Variants in CEP152 observed in about 807,000 individuals in gnomAD.
CEP152 encodes the protein centrosomal protein 152.
A neutral mutation model predicts 188.9 loss-of-function variants in CEP152; 132 were observed. The ratio of observed to expected loss-of-function variants is 0.70; its 90% CI spans 0.61 to 0.81. The LOEUF (loss-of-function observed/expected upper bound fraction) is 0.81. CEP152 is among the 30% of genes least tolerant of loss of function. The probability of loss-of-function intolerance (pLI) is 0.00; values close to 1 mark genes in which losing one functional copy is unlikely to be tolerated. For missense variants in CEP152, 1,914 were observed against 1,969.8 expected (o/e 0.97, Z 0.54); for synonymous variants, 649 against 666.6 (o/e 0.97, Z 0.41).
Position 48,785,261 on chromosome 15 carries a change from A to G in CEP152, c.1174-1141T>C, listed in dbSNP as rs538254455. ...TGAAGTCTCCCATTTTAGCTTAAAAATCCATGTGAATTTTGTATTCTATTT... is the reference window on the plus strand; with the variant it reads ...TGAAGTCTCCCATTTTAGCTTAAAAGTCCATGTGAATTTTGTATTCTATTT... On this transcript the variant is annotated intron_variant, in intron 9 of 26. Coordinates refer to ENST00000380950, the MANE Select transcript of CEP152 (RefSeq NM_001194998.2). 3.3e-5 allele frequency among the ~76,000 whole-genome samples: 5 copies of G among 152,300 alleles called. No individual in the cohort carries two copies. The South Asian group carries it at 1.0e-3, about 32-fold the overall frequency.
At chr15:48,767,560 G>A in intron 15 of CEP152, 97 bp from the exon 16 acceptor site, 1 of 1,520,882 alleles carries the variant, frequency 6.6e-7, no homozygotes, top group South Asian at 1.1e-5. Context: ...TCCCTCTAAT[G>A]CAAATTATAA....
chr15:48,761,301 AC>A (rs1305445919), intron 18 of CEP152, among the ~76,000 whole-genome samples: 1 of 152,208 alleles, frequency 6.6e-6, no homozygotes, highest in Non-Finnish European at 1.5e-5. Context: ...ATCACGTAGA[AC>A]AATGTAACAA....
intron 22 of CEP152, among the ~76,000 whole-genome samples, chr15:48,745,665 C>G (rs1446323917): frequency 1.3e-5 from 2 of 151,912 alleles, no homozygotes; most frequent in African/African-American, 2.4e-5. Flanking sequence ...TTACAAAGAA[C>G]CTTCTTAAGG....
chr15:48,769,216 A>G, intron 13 of CEP152, 135 bp from the exon 14 acceptor site: 1 of 669,788 alleles, frequency 1.5e-6, no homozygotes, highest in Non-Finnish European at 2.5e-6. Context: ...TTCCCCCAAT[A>G]TAACTACAGC....
intron 12 of CEP152, among the ~76,000 whole-genome samples, chr15:48,776,810 T>C (rs555874443): frequency 9.9e-5 from 15 of 152,248 alleles, no homozygotes; most frequent in Admixed American, 8.5e-4. Flanking sequence ...GTTTTCTTCA[T>C]GGGAAGTAAG....
At chr15:48,776,088 C>T (rs1953526988) in intron 12 of CEP152, among the ~76,000 whole-genome samples, 3 of 151,446 alleles carry the variant, frequency 2.0e-5, no homozygotes, top group Admixed American at 2.0e-4. Context: ...TAGTAGTTAG[C>T]CTCAAGGTTA....
chr15:48,802,522 T>C (rs1258892675), intron 2 of CEP152, among the ~76,000 whole-genome samples: 1 of 152,222 alleles, frequency 6.6e-6, no homozygotes, highest in Non-Finnish European at 1.5e-5. Context: ...ACCTCTCTAC[T>C]ATGCCTTTAT....
chr15:48,791,828 A>C (rs1018268341), intron 7 of CEP152, among the ~76,000 whole-genome samples: 4 of 151,912 alleles, frequency 2.6e-5, no homozygotes, highest in African/African-American at 9.6e-5. Context: ...CAAATAAATA[A>C]ATTATTAAAA....
chr15:48,810,798 ACACGTTAAGGT>A (rs1327302983), intron 1 of CEP152, 152 bp downstream of exon 1: 1 of 152,294 alleles, frequency 6.6e-6, no homozygotes, highest in Non-Finnish European at 1.5e-5. Flanking sequence ...GGTCTAAATG[ACACGTTAAGGT>A]AAAAGCTGAG....
Position 48,788,898 on chromosome 15 carries a change from T to A in CEP152, c.1076A>T (p.His359Leu). Residue 359 changes from histidine to leucine, a missense_variant, in exon 9 of 27, where the codon CAT (histidine) becomes CTT (leucine). Transcript: ENST00000380950. ...TGTGAGGCCCATAACAATGCTCTCA[T>A]GCTGTTCTCTAGCTCGTTGAAGTGA... is the stretch of plus-strand genomic sequence containing the variant. ...SESLQRAREQ[H>L]ESIVMGLTKK... is the part of the protein sequence containing the mutation. The A allele has an allele frequency of 6.2e-7, 1 of 1,614,214 alleles. No individual in the cohort carries two copies. Among genetic ancestry groups the A allele is most frequent in the Non-Finnish European group, 8.5e-7 (1 of 1,180,030 alleles).
chr15:48,801,909 C>T (rs2140921351), intron 2 of CEP152, among the ~76,000 whole-genome samples: 1 of 152,280 alleles, frequency 6.6e-6, no homozygotes, highest in South Asian at 2.1e-4. Flanking sequence ...GCCTGGCCAA[C>T]ATGGCAAAAC....
intron 19 of CEP152, among the ~76,000 whole-genome samples, chr15:48,757,506 C>A (rs931182390): frequency 3.3e-5 from 5 of 152,188 alleles, no homozygotes; most frequent in Non-Finnish European, 7.3e-5. Context: ...AACATCTTCA[C>A]CTATATAAAG....
In CEP152 at chr15:48,738,063, A is replaced by G. The variant is rs1892692391; in HGVS notation, c.*186T>C. 1.5e-6 allele frequency: 1 copy of G among 662,450 alleles called. No homozygotes were observed. The highest frequency in any genetic ancestry group is 3.1e-5 in the Admixed American group (1 of 32,362). 41.0% of individuals were successfully genotyped at this position (662,450 alleles called of 1,614,324 possible). ...CACAAAAGCAGATTATACATACACC[A>G]TCAGGCCTTTGGAATATTAAGGCAA... On this transcript the variant is annotated 3_prime_UTR_variant, in exon 27 of 27. Transcript: ENST00000380950.
chr15:48,808,844 T>G (rs1355536236), intron 1 of CEP152, among the ~76,000 whole-genome samples: 1 of 152,206 alleles, frequency 6.6e-6, no homozygotes. Context: ...ACTGAAAATT[T>G]TCTATATCTA....
At chr15:48,771,121 T>C (rs1040552918) in intron 13 of CEP152, among the ~76,000 whole-genome samples, 4 of 152,162 alleles carry the variant, frequency 2.6e-5, no homozygotes, top group Non-Finnish European at 4.4e-5. Context: ...TGGCTGATGA[T>C]TTGTGAAATA....
chr15:48,738,608 G>A lies in CEP152; in HGVS notation c.4774C>T (p.His1592Tyr). Residue 1592 changes from histidine to tyrosine, a missense_variant, in exon 27 of 27, where the codon CAT (histidine) becomes TAT (tyrosine). By Grantham distance (83) the His-to-Tyr change is moderately conservative. Coordinates refer to ENST00000380950, the MANE Select transcript of CEP152 (RefSeq NM_001194998.2). ...TCCAAAGTTCCTTGTGGCCTACCAT[G>A]TACAAATGATGCTTCACGACTGTCA... ...SFDSREASFV[H>Y]GRPQGTLEIP... The A allele has an allele frequency of 1.2e-6, 2 of 1,614,174 alleles. No individual in the cohort carries two copies. The highest frequency in any genetic ancestry group is 1.3e-5 in the African/African-American group (1 of 75,060).
intron 22 of CEP152, among the ~76,000 whole-genome samples, chr15:48,745,664 A>G (rs1893351890): frequency 6.6e-6 from 1 of 151,992 alleles, no homozygotes; most frequent in East Asian, 1.9e-4. Context: ...GTTACAAAGA[A>G]CCTTCTTAAG....
intron 23 of CEP152, 89 bp from the exon 24 acceptor site, chr15:48,744,432 A>C: frequency 9.6e-6 from 15 of 1,555,846 alleles, no homozygotes; most frequent in East Asian, 2.4e-5. Flanking sequence ...TACTCTAATA[A>C]AGTTAACTGA....
At chr15:48,771,334 A>T (rs967886386) in intron 13 of CEP152, among the ~76,000 whole-genome samples, 2 of 152,204 alleles carry the variant, frequency 1.3e-5, no homozygotes, top group Admixed American at 1.3e-4. Flanking sequence ...GTGGATTTCA[A>T]TGACTGACAA....
Sources: gnomAD v4.1 joint callset for allele counts (sites outside exome capture counted in the v4.1 genomes callset) on GRCh38, gnomAD v4.1.1 for gene constraint, MANE v1.5 for transcripts, NCBI Gene and HGNC (gene_info 2026-07-23, HGNC 2026-07-21) for gene names.